The following NFX1 variants were observed in gnomAD, a reference collection of about 807,000 sequenced individuals.
The protein encoded by NFX1 is nuclear transcription factor, X-box binding 1.
A neutral mutation model predicts 137.2 loss-of-function variants in NFX1; 69 were observed. The ratio of observed to expected loss-of-function variants is 0.50; its 90% CI spans 0.41 to 0.61. NFX1 has a LOEUF of 0.61. Among genes scored for constraint, NFX1 ranks in the 20% least tolerant of loss-of-function variants. The probability of loss-of-function intolerance (pLI) is 0.00; values close to 1 mark genes in which losing one functional copy is unlikely to be tolerated. For synonymous variants in NFX1, 495 were observed against 474.1 expected (o/e 1.04, Z -0.57); for missense variants, 1,167 against 1,391.0 (o/e 0.84, Z 2.56).
intron 1 of NFX1, among the ~76,000 whole-genome samples, chr9:33,292,697 C>T (rs1821206572): frequency 6.6e-6 from 1 of 152,180 alleles, no homozygotes; most frequent in Non-Finnish European, 1.5e-5. Flanking sequence ...TGAACATATC[C>T]TGTATATGAG....
In NFX1 at chr9:33,354,197, A is replaced by C; in HGVS notation, c.2831+10A>C. ...AAGTTCATCAAGCCAGGTAATTTTTAAAATGCATATATGTGCCTTCTTTCT... is the reference window on the plus strand; with the variant it reads ...AAGTTCATCAAGCCAGGTAATTTTTCAAATGCATATATGTGCCTTCTTTCT... On this transcript the variant is annotated intron_variant, in intron 18 of 23. Transcript: ENST00000379540. 6.2e-7 allele frequency: 1 copy of C among 1,602,952 alleles called. No individual in the cohort carries two copies. Among genetic ancestry groups the C allele is most frequent in the Non-Finnish European group, 8.5e-7 (1 of 1,172,550 alleles).
At chr9:33,313,821 T>C (rs758224012) in intron 7 of NFX1, 28 bp downstream of exon 7, 2 of 1,602,854 alleles carry the variant, frequency 1.2e-6, no homozygotes, top group South Asian at 2.2e-5. Context: ...CAGCTAGCAA[T>C]GCTTGTGTTC....
chr9:33,327,857 C>T (rs1822653494), intron 9 of NFX1, among the ~76,000 whole-genome samples: 1 of 152,182 alleles, frequency 6.6e-6, no homozygotes, highest in South Asian at 2.1e-4. Flanking sequence ...TCTAGTCAGT[C>T]AGACTGTGGA....
chr9:33,318,454 C>T (rs1337644313), intron 7 of NFX1, among the ~76,000 whole-genome samples: 4 of 152,174 alleles, frequency 2.6e-5, no homozygotes, highest in Admixed American at 6.5e-5. Context: ...TGATGCTGTT[C>T]TTGGAATGTG....
chr9:33,357,158 C>A (rs572148174), intron 19 of NFX1, among the ~76,000 whole-genome samples: 35 of 151,790 alleles, frequency 2.3e-4, no homozygotes, highest in Non-Finnish European at 4.6e-4. Flanking sequence ...AAAAATTAGC[C>A]GGGCATGGTG....
chr9:33,359,547 C>T (rs1823925765), intron 19 of NFX1, among the ~76,000 whole-genome samples: 1 of 151,666 alleles, frequency 6.6e-6, no homozygotes, highest in Non-Finnish European at 1.5e-5. Flanking sequence ...TGCAGTGAGC[C>T]GAGATGGCGC....
At chr9:33,369,673 TTTG>T (rs969610067) in intron 23 of NFX1, among the ~76,000 whole-genome samples, 32 of 152,162 alleles carry the variant, frequency 2.1e-4, no homozygotes, top group Admixed American at 1.2e-3. Flanking sequence ...AAATAGAGAA[TTTG>T]TTATCTCACA....
intron 10 of NFX1, among the ~76,000 whole-genome samples, chr9:33,329,835 T>C (rs1822736518): frequency 6.6e-6 from 1 of 152,104 alleles, no homozygotes. Flanking sequence ...ATTTTTGTAT[T>C]TTTAGTAGAG....
Position 33,366,689 on chromosome 9 carries a change from A to T in NFX1, c.3100A>T (p.Ile1034Phe). 6.2e-7 allele frequency: 1 copy of T among 1,614,260 alleles called. No individual in the cohort carries two copies. The highest frequency in any genetic ancestry group is 8.5e-7 in the Non-Finnish European group (1 of 1,180,052). Reference sequence around the variant, plus strand: ...CATGAACAGAGACCACCGCCGGATCATCCATGACTTGGCCCAAGTTTATGG... The same window carrying T: ...CATGAACAGAGACCACCGCCGGATCTTCCATGACTTGGCCCAAGTTTATGG... ...PPMNRDHRRI[I>F]HDLAQVYGLE... Residue 1034 changes from isoleucine (I) to phenylalanine (F), a missense_variant, in exon 22 of 24, where the codon ATC becomes TTC. Ile to Phe is a conservative substitution (Grantham distance 21, BLOSUM62 0). Around this residue, in one of 3 missense-constraint regions of NFX1, gnomAD observed 312 missense variants for 312.8 expected, o/e 1.00. Transcript: ENST00000379540.
intron 9 of NFX1, among the ~76,000 whole-genome samples, chr9:33,323,408 A>C (rs1822457756): frequency 6.6e-6 from 1 of 152,234 alleles, no homozygotes. Context: ...GCCTTGTGAG[A>C]GTGACCAGAT....
chr9:33,364,242 T>C, intron 20 of NFX1, 134 bp downstream of exon 20: 2 of 573,672 alleles, frequency 3.5e-6, no homozygotes, highest in Admixed American at 3.6e-5. Context: ...TGTAAGAGAT[T>C]ATGTGCTGTT....
intron 19 of NFX1, among the ~76,000 whole-genome samples, chr9:33,363,027 A>G (rs1481716349): frequency 6.6e-6 from 1 of 151,768 alleles, no homozygotes; most frequent in Non-Finnish European, 1.5e-5. Context: ...TCTATGGCAC[A>G]CTGGGGTGAT....
chr9:33,318,355 A>T (rs1232965138), intron 7 of NFX1, among the ~76,000 whole-genome samples: 2 of 152,198 alleles, frequency 1.3e-5, no homozygotes, highest in Admixed American at 1.3e-4. Context: ...ACATCACCAG[A>T]GGACCCGCAG....
rs1206817974 is a variant in NFX1 at position 33,364,752 on chromosome 9, C to A, written c.3017C>A (p.Thr1006Asn). 28 of 1,613,856 alleles carry A rather than the reference C, an allele frequency of 1.7e-5. No individual in the cohort carries two copies. The highest frequency in any genetic ancestry group is 2.3e-5 in the Non-Finnish European group (27 of 1,179,948). ...FVSDVEKEME[T>N]LVEAVNKGKN... ...AGTGACGTTGAGAAGGAAATGGAAA[C>A]CCTCGTGGAGGCCGTGAATAAGGTT... The change falls in exon 21 of 24, where the codon ACC (threonine) becomes AAC (asparagine). Residue 1006 changes from threonine (T) to asparagine (N), a missense_variant. This residue lies in a region of NFX1 where 312 missense variants were observed against 312.8 expected (regional missense o/e 1.00). Transcript: ENST00000379540.
At chr9:33,311,415 T>C (rs1821955272) in intron 6 of NFX1, among the ~76,000 whole-genome samples, 2 of 152,218 alleles carry the variant, frequency 1.3e-5, no homozygotes, top group Non-Finnish European at 2.9e-5. Flanking sequence ...AAATGTGCCA[T>C]GGATAGTACT....
intron 3 of NFX1, among the ~76,000 whole-genome samples, chr9:33,302,361 T>A (rs1196087912): frequency 4.1e-5 from 6 of 144,642 alleles, no homozygotes; most frequent in African/African-American, 1.5e-4. Flanking sequence ...AACTGTATTT[T>A]TTTTTTTTTT....
intron 19 of NFX1, among the ~76,000 whole-genome samples, chr9:33,356,312 T>G (rs971869248): frequency 6.6e-6 from 1 of 152,206 alleles, no homozygotes; most frequent in African/African-American, 2.4e-5. Context: ...TTTGCTTATT[T>G]TTTTGTGCTC....
Position 33,337,612 on chromosome 9 carries a change from C to T in NFX1, c.2036-898C>T, listed in dbSNP as rs146369956. ...GGGCAGAGTGGCTTACACCTGTAAT[C>T]CCAACATTTGGAAGGCCAAGATGGG... On this transcript the variant is annotated intron_variant, in intron 11 of 23. Coordinates refer to ENST00000379540, the MANE Select transcript of NFX1 (RefSeq NM_002504.6). Among the ~76,000 whole-genome samples the T allele has an allele frequency of 5.9e-4, 90 of 152,238 alleles. 1 individual carries two copies. The highest frequency in any genetic ancestry group is 2.1e-3 in the African/African-American group (88 of 41,532).
intron 9 of NFX1, among the ~76,000 whole-genome samples, chr9:33,319,367 T>C (rs938430184): frequency 2.6e-5 from 4 of 152,162 alleles, no homozygotes; most frequent in African/African-American, 9.7e-5. Context: ...ACAACTGTGG[T>C]GAGTTACTGT....
Sources: allele counts gnomAD v4.1 joint callset (sites outside exome capture counted in the v4.1 genomes callset), GRCh38; gene constraint gnomAD v4.1.1; regional missense constraint gnomAD v4.1.1; transcripts MANE v1.5; gene names NCBI Gene and HGNC (gene_info 2026-07-23, HGNC 2026-07-21).